GNA15: variants seen among roughly 807,000 people sequenced by gnomAD.
The protein encoded by GNA15 is G protein subunit alpha 15.
A neutral mutation model predicts 40.1 loss-of-function variants in GNA15; 23 were observed. The ratio of observed to expected loss-of-function variants is 0.57; its 90% confidence interval spans 0.41 to 0.81. The LOEUF (loss-of-function observed/expected upper bound fraction) is 0.81, where lower values mean the gene tolerates loss of function less well. Among genes scored for constraint, GNA15 ranks in the 40% least tolerant of loss-of-function variants. The pLI is 0.00. For synonymous variants in GNA15, 226 were observed against 210.4 expected, an observed-to-expected ratio of 1.07 and a Z score of -0.64; for missense variants, 522 against 515.8, an observed-to-expected ratio of 1.01 and a Z score of -0.12.
intron 3 of GNA15, among the ~76,000 whole-genome samples, chr19:3,150,669 C>T (rs1914859165): frequency 6.6e-6 from 1 of 151,952 alleles, no homozygotes; most frequent in Non-Finnish European, 1.5e-5. Flanking sequence ...CCTAGAGTGA[C>T]CCTGTGCCTG....
In GNA15 at chr19:3,147,887, C is replaced by CAAA. The variant is rs369228868; in HGVS notation, c.146-689_146-687dup. ...TGGGTGACAGAGCAAGACTCCATCT[C>CAAA]AAAAAAAAAAAAAAAAAGAAGAGAA... On this transcript the variant is annotated intron_variant, in intron 1 of 6. Coordinates refer to ENST00000262958, the MANE Select transcript of GNA15 (RefSeq NM_002068.4). 7.4e-4 allele frequency among the ~76,000 whole-genome samples: 80 copies of CAAA among 107,520 alleles called. 2 individuals carry two copies. The highest frequency in any genetic ancestry group is 2.4e-3 in the African/African-American group (71 of 29,170). 70.5% of individuals were successfully genotyped at this position (107,520 alleles called of 152,430 possible).
At chr19:3,147,221 G>A (rs1006189344) in intron 1 of GNA15, among the ~76,000 whole-genome samples, 18 of 152,110 alleles carry the variant, frequency 1.2e-4, no homozygotes, top group African/African-American at 4.3e-4. Flanking sequence ...TGAAATTATT[G>A]TAGCAAATAA....
At chr19:3,146,663 T>C (rs1914728084) in intron 1 of GNA15, 1 of 152,836 alleles carries the variant, frequency 6.5e-6, no homozygotes, top group Non-Finnish European at 1.5e-5. Flanking sequence ...ACAGCCACAT[T>C]GGTCCAGCCC....
intron 6 of GNA15, among the ~76,000 whole-genome samples, chr19:3,161,295 G>A (rs891984276): frequency 2.4e-4 from 37 of 152,070 alleles, no homozygotes; most frequent in Admixed American, 2.4e-3. Context: ...GCAAATATCC[G>A]ATTTCTAAAA....
intron 3 of GNA15, among the ~76,000 whole-genome samples, chr19:3,150,648 G>A (rs1322401320): frequency 6.6e-6 from 1 of 152,068 alleles, no homozygotes; most frequent in Non-Finnish European, 1.5e-5. Flanking sequence ...TGTTCTAGGG[G>A]GTATCCTGTT....
chr19:3,157,277 C>G (rs1229750691), intron 5 of GNA15, among the ~76,000 whole-genome samples: 2 of 152,138 alleles, frequency 1.3e-5, no homozygotes, highest in African/African-American at 2.4e-5. Flanking sequence ...AGGATTACAG[C>G]CGTGAGCTGC....
In GNA15 at chr19:3,145,336, A is replaced by AATATATATATATATAT. The variant is rs1191752115; in HGVS notation, c.146-3246_146-3231dup. ...CAGTGTGCACCACTACGTCTGACTA[A>AATATATATATATATAT]ATATATATATATATATATATATATT... On this transcript the variant is annotated intron_variant, in intron 1 of 6. Coordinates refer to ENST00000262958, the MANE Select transcript of GNA15 (RefSeq NM_002068.4). Among the ~76,000 whole-genome samples the AATATATATATATATAT allele has an allele frequency of 1.0e-3, 62 of 60,186 alleles. No individual in the cohort carries two copies. In the East Asian group the frequency reaches 0.011, roughly 10 times the overall value. 39.5% of individuals were successfully genotyped at this position (60,186 alleles called of 152,430 possible).
At chr19:3,162,562 T>C (rs1031509066) in intron 6 of GNA15, among the ~76,000 whole-genome samples, 2 of 152,222 alleles carry the variant, frequency 1.3e-5, no homozygotes, top group Non-Finnish European at 2.9e-5. Flanking sequence ...CTGGGTCTCA[T>C]TGGTCCATTT....
Position 3,148,647 on chromosome 19 carries a change from G to T in GNA15, c.202G>T (p.Ala68Ser). ...FIKQMRIIHG[A>S]GYSEEERKGF... Reference sequence around the variant, plus strand: ...CAAGCAGATGCGGATCATCCACGGCGCCGGCTACTCGGAGGAGGAGCGCAA... The same window carrying T: ...CAAGCAGATGCGGATCATCCACGGCTCCGGCTACTCGGAGGAGGAGCGCAA... Residue 68 changes from alanine (A) to serine (S), a missense_variant, in exon 2 of 7, where the codon GCC (alanine) becomes TCC (serine). By Grantham distance (99) the Ala-to-Ser change is moderately conservative. Transcript: ENST00000262958. 6.3e-7 allele frequency: 1 copy of T among 1,589,148 alleles called. No individual in the cohort carries two copies. Among genetic ancestry groups the T allele is most frequent in the East Asian group, 2.3e-5 (1 of 43,744 alleles).
intron 3 of GNA15, 113 bp downstream of exon 3, chr19:3,150,398 G>A (rs1483625164): frequency 6.5e-6 from 6 of 926,556 alleles, no homozygotes; most frequent in Non-Finnish European, 9.6e-6. Flanking sequence ...GCTGTGAGGT[G>A]GTCCTGCTCC....
chr19:3,152,380 TAGA>T (rs1440252056), intron 4 of GNA15, among the ~76,000 whole-genome samples: 1 of 151,932 alleles, frequency 6.6e-6, no homozygotes, highest in Non-Finnish European at 1.5e-5. Flanking sequence ...GTGTGGGAAT[TAGA>T]ACAGGAAGTC....
intron 5 of GNA15, among the ~76,000 whole-genome samples, chr19:3,157,291 G>A (rs1346782649): frequency 2.0e-5 from 3 of 152,130 alleles, no homozygotes; most frequent in South Asian, 2.1e-4. Flanking sequence ...GAGCTGCCGC[G>A]CCCGGCCAGG....
chr19:3,145,985 G>A (rs949780553), intron 1 of GNA15, among the ~76,000 whole-genome samples: 1 of 152,162 alleles, frequency 6.6e-6, no homozygotes, highest in African/African-American at 2.4e-5. Context: ...AGGTGGAGTT[G>A]GAGGCGTTGG....
chr19:3,151,627 C>A lies in GNA15; in HGVS notation c.486-80C>A. On this transcript the variant is annotated intron_variant, in intron 3 of 6. Coordinates refer to ENST00000262958, the MANE Select transcript of GNA15 (RefSeq NM_002068.4). This position sits in a 1 kb window ranked among gnomAD's most constrained non-coding sequence, Gnocchi z 5.0. ...GGAGCTCTCCTCCCCCAGCAGGGTC[C>A]TTGCTGGGCCTTTCGTAGGGCCTGG... 1 of 1,451,316 alleles carries A rather than the reference C, an allele frequency of 6.9e-7. No individual in the cohort carries two copies. Among genetic ancestry groups the A allele is most frequent in the Non-Finnish European group, 9.1e-7 (1 of 1,097,076 alleles). The allele number at this position is 1,451,316 out of a possible 1,614,324, so 89.9% of individuals were successfully genotyped here.
At chr19:3,137,571 C>A (rs2529776) in intron 1 of GNA15, among the ~76,000 whole-genome samples, 25,376 of 152,012 alleles carry the variant, frequency 0.17, 2,391 homozygotes, top group Non-Finnish European at 0.22. Flanking sequence ...ATCACAAGGT[C>A]GGGAGATCGA....
chr19:3,146,131 A>C (rs536343793), intron 1 of GNA15, among the ~76,000 whole-genome samples: 1 of 152,102 alleles, frequency 6.6e-6, no homozygotes, highest in Non-Finnish European at 1.5e-5. Context: ...TTGCTCGATC[A>C]AGTCCTGCCT....
At chr19:3,147,773 G>A (rs1158598306) in intron 1 of GNA15, among the ~76,000 whole-genome samples, 3 of 150,164 alleles carry the variant, frequency 2.0e-5, no homozygotes, top group Non-Finnish European at 4.4e-5. Flanking sequence ...TGTAGTCCCA[G>A]CTACTCAGAG....
Position 3,136,282 on chromosome 19 carries a change from T to G in GNA15, c.-169T>G. ...CCGCCGAGCCGGGCTTCCTGGGTGT[T>G]TCAGGCAAGGAAGTCTAGGTCCCTG... On this transcript the variant is annotated 5_prime_UTR_variant, in exon 1 of 7. Transcript: ENST00000262958. This position sits in a 1 kb window ranked among gnomAD's most constrained non-coding sequence, Gnocchi z 4.9. 1.6e-6 allele frequency: 1 copy of G among 639,684 alleles called. No individual in the cohort carries two copies. The highest frequency in any genetic ancestry group is 2.6e-6 in the Non-Finnish European group (1 of 382,784). The allele number at this position is 639,684 out of a possible 1,614,324, so 39.6% of individuals were successfully genotyped here.
chr19:3,145,075 G>A (rs905727122), intron 1 of GNA15, among the ~76,000 whole-genome samples: 2 of 151,730 alleles, frequency 1.3e-5, no homozygotes, highest in African/African-American at 2.4e-5. Context: ...GGCTGGTCTC[G>A]AACTCCTGAC....
Sources: gnomAD v4.1 joint callset for allele counts (sites outside exome capture counted in the v4.1 genomes callset) on GRCh38, gnomAD v4.1.1 for gene constraint, Gnocchi (gnomAD v3.1) non-coding constraint, MANE v1.5 for transcripts, NCBI Gene and HGNC (gene_info 2026-07-23, HGNC 2026-07-21) for gene names.